The following PLA2G4A variants were observed in gnomAD, a reference collection of about 807,000 sequenced individuals.
The protein encoded by PLA2G4A is cytosolic phospholipase A2.
PLA2G4A carries 40 observed loss-of-function variants against 81.9 expected under a neutral mutation model. The ratio of observed to expected loss-of-function variants is 0.49; its 90% CI spans 0.38 to 0.64. PLA2G4A has a LOEUF of 0.64. Ranked by LOEUF, PLA2G4A falls within the 30% of genes least tolerant of loss-of-function variation. PLA2G4A has a pLI of 0.00. For synonymous variants in PLA2G4A, 302 were observed against 296.9 expected (o/e 1.02, Z -0.18); for missense variants, 715 against 905.1 (o/e 0.79, Z 2.69).
At chr1:186,879,989 C>T (rs574178070) in intron 3 of PLA2G4A, among the ~76,000 whole-genome samples, 1 of 152,016 alleles carries the variant, frequency 6.6e-6, no homozygotes, top group African/African-American at 2.4e-5. Context: ...TCCCTCCCTC[C>T]TCCTCCCACC....
At chr1:186,951,118 A>T (rs568362626) in intron 13 of PLA2G4A, among the ~76,000 whole-genome samples, 11 of 151,296 alleles carry the variant, frequency 7.3e-5, no homozygotes, top group Non-Finnish European at 1.3e-4. Flanking sequence ...ATTAAGTAAC[A>T]TGAAAAATTA....
At chr1:186,933,291 T>C (rs1176977811) in intron 8 of PLA2G4A, among the ~76,000 whole-genome samples, 2 of 152,160 alleles carry the variant, frequency 1.3e-5, no homozygotes. Context: ...ATTCACTACA[T>C]ATTCATTTTC....
At chr1:186,949,335 GAA>G (rs1557887770) in intron 12 of PLA2G4A, among the ~76,000 whole-genome samples, 1 of 124,888 alleles carries the variant, frequency 8.0e-6, no homozygotes, top group African/African-American at 3.7e-5. Flanking sequence ...AGGAAGGAAA[GAA>G]GAAAGAAAGA....
intron 3 of PLA2G4A, among the ~76,000 whole-genome samples, chr1:186,886,897 A>G (rs1653955361): frequency 6.6e-6 from 1 of 152,124 alleles, no homozygotes; most frequent in African/African-American, 2.4e-5. Flanking sequence ...CCTGTTCTTT[A>G]GTTCCTCGTA....
At chr1:186,870,393 T>C (rs371605157) in intron 2 of PLA2G4A, 42 bp from the exon 3 acceptor site, 1 of 1,153,074 alleles carries the variant, frequency 8.7e-7, no homozygotes, top group African/African-American at 1.5e-5. Flanking sequence ...TGAGGTTCTA[T>C]GTTGGAAGCT....
intron 3 of PLA2G4A, among the ~76,000 whole-genome samples, chr1:186,872,434 G>C (rs1653310828): frequency 2.0e-5 from 3 of 152,094 alleles, no homozygotes; most frequent in Non-Finnish European, 4.4e-5. Flanking sequence ...TCAGTAGCTT[G>C]TCAGGCATGC....
chr1:186,889,101 TAATGTTA>T (rs1654041244), intron 3 of PLA2G4A, among the ~76,000 whole-genome samples: 1 of 152,190 alleles, frequency 6.6e-6, no homozygotes, highest in African/African-American at 2.4e-5. Context: ...GAAAATGTGA[TAATGTTA>T]CCCTATGACA....
chr1:186,926,908 C>T (rs539779767), intron 7 of PLA2G4A, among the ~76,000 whole-genome samples: 18 of 152,212 alleles, frequency 1.2e-4, no homozygotes, highest in Non-Finnish European at 2.6e-4. Context: ...GCATAACACT[C>T]GTGGTCAATA....
chr1:186,916,577 G>T (rs1402002434), intron 7 of PLA2G4A, among the ~76,000 whole-genome samples: 1 of 152,020 alleles, frequency 6.6e-6, no homozygotes, highest in African/African-American at 2.4e-5. Context: ...TTCTGTTCTG[G>T]CTAATACTTT....
chr1:186,965,568 C>A lies in PLA2G4A; in HGVS notation c.1739C>A (p.Pro580Gln). The A allele has an allele frequency of 6.2e-7, 1 of 1,612,414 alleles. No homozygotes were observed. Among genetic ancestry groups the A allele is most frequent in the Non-Finnish European group, 8.5e-7 (1 of 1,178,438 alleles). Residue 580 changes from proline to glutamine, a missense_variant, in exon 15 of 18, where the codon CCA (proline) becomes CAA (glutamine). By Grantham distance (76) the Pro-to-Gln change is moderately conservative. Transcript: ENST00000367466. ...ATCTCCTTTGACTTTTCTGCAAGGC[C>A]AAGTGACTCTAGTCCTCCGTTCAAG... ...LIISFDFSAR[P>Q]SDSSPPFKEL...
rs529170921 is a variant in PLA2G4A, at chr1:186,984,796, G to A, written c.2119-3581G>A. Reference sequence around the variant, plus strand: ...TTTATTGTTTAGTGTGCCAGAAACTGTTTTAGAAACTAGGGGTACAGCATG... The same window carrying A: ...TTTATTGTTTAGTGTGCCAGAAACTATTTTAGAAACTAGGGGTACAGCATG... On this transcript the variant is annotated intron_variant, in intron 17 of 17. Transcript: ENST00000367466. 1.6e-4 allele frequency among the ~76,000 whole-genome samples: 24 copies of A among 152,158 alleles called. 1 individual carries two copies. In the South Asian group the frequency reaches 5.0e-3, roughly 32 times the overall value.
At chr1:186,867,436 A>G (rs1653072653) in intron 2 of PLA2G4A, among the ~76,000 whole-genome samples, 1 of 152,122 alleles carries the variant, frequency 6.6e-6, no homozygotes, top group Admixed American at 6.5e-5. Flanking sequence ...TAGATTTATA[A>G]CTATTTCATT....
intron 8 of PLA2G4A, among the ~76,000 whole-genome samples, chr1:186,937,748 C>A (rs1656006149): frequency 6.6e-6 from 1 of 150,846 alleles, no homozygotes; most frequent in South Asian, 2.1e-4. Context: ...AAATAGCCTA[C>A]TGGGGAGAGG....
intron 2 of PLA2G4A, among the ~76,000 whole-genome samples, chr1:186,859,496 T>A (rs930267645): frequency 6.6e-6 from 1 of 152,090 alleles, no homozygotes; most frequent in Non-Finnish European, 1.5e-5. Context: ...AGTGAAAAAA[T>A]TCACACCTCT....
Position 186,891,650 on chromosome 1 carries a change from G to A in PLA2G4A, c.116-1361G>A, listed in dbSNP as rs563369785. ...AGATCTCATTCTTCTTTATGGCTGA[G>A]TAACACTCCATTGTGTATATGTAAC... On this transcript the variant is annotated intron_variant, in intron 3 of 17. Transcript: ENST00000367466. Among the ~76,000 whole-genome samples the A allele has an allele frequency of 5.9e-5, 9 of 152,296 alleles. No homozygotes were observed. In the East Asian group the frequency reaches 1.5e-3, roughly 26 times the overall value.
intron 2 of PLA2G4A, among the ~76,000 whole-genome samples, chr1:186,858,936 T>TGC (rs550522528): frequency 1.7e-3 from 264 of 152,192 alleles, no homozygotes; most frequent in Non-Finnish European, 3.2e-3. Flanking sequence ...TGTGTGTGTG[T>TGC]GTGTAAATTG....
At chr1:186,892,137 T>G (rs573741072) in intron 3 of PLA2G4A, among the ~76,000 whole-genome samples, 6 of 152,300 alleles carry the variant, frequency 3.9e-5, no homozygotes, top group Non-Finnish European at 7.4e-5. Context: ...GTTGGTTACA[T>G]TATTAGATGT....
rs1267826917 is a variant in PLA2G4A, at chr1:186,837,753, G to GAA, written c.-70+8722_-70+8723dup. Among the ~76,000 whole-genome samples the GAA allele has an allele frequency of 5.0e-3, 589 of 118,182 alleles. 36 individuals are homozygous for GAA. Among genetic ancestry groups the GAA allele is most frequent in the African/African-American group, 0.019 (565 of 29,764 alleles). 77.5% of individuals were successfully genotyped at this position (118,182 alleles called of 152,430 possible). On this transcript the variant is annotated intron_variant, in intron 1 of 17. Coordinates refer to ENST00000367466, the MANE Select transcript of PLA2G4A (RefSeq NM_024420.3). ...CTCCGTCTCAAAAAAAAAAAAAAAA[G>GAA]AAAAAGAAAAGAAAAAAAGAAAATA...
At chr1:186,846,754 T>A (rs1652190140) in intron 1 of PLA2G4A, among the ~76,000 whole-genome samples, 1 of 152,316 alleles carries the variant, frequency 6.6e-6, no homozygotes, top group African/African-American at 2.4e-5. Context: ...CATGTCTCTT[T>A]TTTTAAATTC....
Sources: allele counts gnomAD v4.1 joint callset (sites outside exome capture counted in the v4.1 genomes callset), GRCh38; gene constraint gnomAD v4.1.1; transcripts MANE v1.5; gene names NCBI Gene and HGNC (gene_info 2026-07-23, HGNC 2026-07-21).